Variants in RAB38 observed in about 807,000 individuals in gnomAD.
RAB38 encodes the protein ras-related protein Rab-38.
In RAB38, 15 loss-of-function variants were observed where a neutral mutation model predicts 18.4. The observed-to-expected ratio is 0.82, with a 90% CI of 0.55 to 1.26. The LOEUF (loss-of-function observed/expected upper bound fraction) is 1.26, where lower values mean the gene tolerates loss of function less well. Among genes scored for constraint, RAB38 ranks in the 50% most tolerant of loss-of-function variants. RAB38 has a pLI of 0.00. For missense variants in RAB38, 294 were observed against 267.4 expected, an observed-to-expected ratio of 1.10 and a Z score of -0.69; for synonymous variants, 101 against 104.4, an observed-to-expected ratio of 0.97 and a Z score of 0.20.
chr11:88,133,572 G>A (rs986569666), intron 2 of RAB38, among the ~76,000 whole-genome samples: 3 of 152,096 alleles, frequency 2.0e-5, no homozygotes, highest in Non-Finnish European at 2.9e-5. Flanking sequence ...ACCTCCCAGT[G>A]ACTTAAAAGA....
At chr11:87,953,733 C>A in the RAB38 span, among the ~76,000 whole-genome samples, 1 of 152,024 alleles carries the variant, frequency 6.6e-6, no homozygotes, top group East Asian at 1.9e-4. Flanking sequence ...AACATATTAC[C>A]TGAAGATAAG....
chr11:88,135,530 T>C (rs551354199), intron 2 of RAB38, among the ~76,000 whole-genome samples: 5 of 152,322 alleles, frequency 3.3e-5, no homozygotes, highest in Admixed American at 2.6e-4. Context: ...GTAGAGAAGA[T>C]ATATAATGGC....
chr11:87,887,402 T>C, the RAB38 span, among the ~76,000 whole-genome samples: 1 of 151,850 alleles, frequency 6.6e-6, no homozygotes, highest in East Asian at 2.0e-4. Context: ...ATACTTAGCA[T>C]ATGCTCCGCA....
the RAB38 span, among the ~76,000 whole-genome samples, chr11:88,045,247 G>A: frequency 1.4e-4 from 22 of 151,962 alleles, no homozygotes; most frequent in Admixed American, 3.9e-4. Flanking sequence ...ATTAAATTCC[G>A]GCCCCCAAAC....
the RAB38 span, among the ~76,000 whole-genome samples, chr11:88,089,262 C>T: frequency 2.0e-5 from 3 of 151,766 alleles, no homozygotes; most frequent in Admixed American, 2.0e-4. Context: ...GGGCTTAAAG[C>T]AGCCATTAGT....
the RAB38 span, among the ~76,000 whole-genome samples, chr11:87,847,617 T>C: frequency 6.6e-6 from 1 of 152,078 alleles, no homozygotes; most frequent in Non-Finnish European, 1.5e-5. Context: ...GCATGCTCCC[T>C]GTGTGGAGTG....
At chr11:87,894,694 G>T in the RAB38 span, among the ~76,000 whole-genome samples, 7 of 150,890 alleles carry the variant, frequency 4.6e-5, no homozygotes, top group South Asian at 1.5e-3. Context: ...GACATATGCT[G>T]AGTGCATTAC....
At chr11:88,073,115 A>C in the RAB38 span, among the ~76,000 whole-genome samples, 1 of 152,110 alleles carries the variant, frequency 6.6e-6, no homozygotes, top group Non-Finnish European at 1.5e-5. Context: ...CAACTTCCCC[A>C]CCATCTTGTG....
the RAB38 span, among the ~76,000 whole-genome samples, chr11:87,864,377 T>C: frequency 6.6e-6 from 1 of 150,924 alleles, no homozygotes; most frequent in South Asian, 2.1e-4. Context: ...CTCCCTCTAC[T>C]GGGCCTACTC....
chr11:87,897,420 G>A, the RAB38 span, among the ~76,000 whole-genome samples: 1 of 151,532 alleles, frequency 6.6e-6, no homozygotes, highest in Non-Finnish European at 1.5e-5. Flanking sequence ...TATGTGAAAT[G>A]ACATTCTTGG....
chr11:87,894,492 C>T, the RAB38 span, among the ~76,000 whole-genome samples: 3 of 151,622 alleles, frequency 2.0e-5, no homozygotes, highest in Non-Finnish European at 4.4e-5. Context: ...AAATGTGACA[C>T]TAAATGTGCT....
chr11:87,865,044 C>T, the RAB38 span, among the ~76,000 whole-genome samples: 8 of 151,440 alleles, frequency 5.3e-5, no homozygotes, highest in South Asian at 8.3e-4. Flanking sequence ...TTTTACTGCA[C>T]GTAATATGAG....
intron 1 of RAB38, among the ~76,000 whole-genome samples, chr11:88,173,299 G>C (rs553740326): frequency 6.6e-6 from 1 of 152,268 alleles, no homozygotes; most frequent in South Asian, 2.1e-4. Context: ...CTAGAGAACA[G>C]GCATGATCAC....
At chr11:88,158,474 A>G (rs1050114945) in intron 1 of RAB38, among the ~76,000 whole-genome samples, 1 of 152,150 alleles carries the variant, frequency 6.6e-6, no homozygotes, top group Non-Finnish European at 1.5e-5. Flanking sequence ...ACAATGAAAA[A>G]AGAAAACTAC....
At chr11:87,976,193 T>C in the RAB38 span, among the ~76,000 whole-genome samples, 1 of 147,490 alleles carries the variant, frequency 6.8e-6, no homozygotes, top group Non-Finnish European at 1.5e-5. Context: ...GGTATATTTA[T>C]ATATACTCTA....
chr11:88,142,915 T>G (rs775504193), intron 2 of RAB38, among the ~76,000 whole-genome samples: 5 of 152,234 alleles, frequency 3.3e-5, no homozygotes, highest in Non-Finnish European at 5.9e-5. Flanking sequence ...TTGGAAGACG[T>G]ATTTACACAT....
chr11:87,870,310 C>A, the RAB38 span, among the ~76,000 whole-genome samples: 1 of 151,544 alleles, frequency 6.6e-6, no homozygotes, highest in Non-Finnish European at 1.5e-5. Flanking sequence ...GTCAGACACA[C>A]GGATATCATC....
the RAB38 span, among the ~76,000 whole-genome samples, chr11:87,819,788 ATATGTG>A: frequency 1.4e-5 from 2 of 147,112 alleles, no homozygotes; most frequent in African/African-American, 5.0e-5. Flanking sequence ...ATATATGTAT[ATATGTG>A]TGTGTGTATA....
At chr11:87,901,238 T>C in the RAB38 span, among the ~76,000 whole-genome samples, 1 of 151,510 alleles carries the variant, frequency 6.6e-6, no homozygotes, top group African/African-American at 2.4e-5. Flanking sequence ...TGCAGACTAG[T>C]TCCAGAGCAA....
Sources: gnomAD v4.1 joint callset for allele counts (sites outside exome capture counted in the v4.1 genomes callset) on GRCh38, gnomAD v4.1.1 for gene constraint, MANE v1.5 for transcripts, NCBI Gene and HGNC (gene_info 2026-07-23, HGNC 2026-07-21) for gene names.